RBFOX1: variants seen among roughly 807,000 people sequenced by gnomAD.
RBFOX1 encodes RNA binding fox-1 homolog 1.
Under a neutral mutation model 57.7 loss-of-function variants are expected in RBFOX1, and 8 were observed. The ratio of observed to expected loss-of-function variants is 0.14; its 90% CI spans 0.08 to 0.25. RBFOX1 has a LOEUF of 0.25. Ranked by LOEUF, RBFOX1 falls within the 10% of genes least tolerant of loss-of-function variation. The probability of loss-of-function intolerance (pLI) is 1.00; values close to 1 mark genes in which losing one functional copy is unlikely to be tolerated. For missense variants in RBFOX1, 611 were observed against 548.5 expected (o/e 1.11, Z -1.14); for synonymous variants, 326 against 222.4 (o/e 1.47, Z -4.15).
chr16:5,783,002 A>C (rs2054373898), intron 3 of RBFOX1, among the ~76,000 whole-genome samples: 1 of 152,192 alleles, frequency 6.6e-6, no homozygotes, highest in Non-Finnish European at 1.5e-5. Context: ...CCACTGATTT[A>C]AATACTCTTT....
intron 2 of RBFOX1, among the ~76,000 whole-genome samples, chr16:6,630,724 A>G (rs1453831603): frequency 2.0e-5 from 3 of 152,134 alleles, no homozygotes; most frequent in African/African-American, 7.2e-5. Context: ...AAATTCCTAA[A>G]ATTTAAGCTG....
At chr16:5,965,636 TA>T (rs2059828537) in intron 4 of RBFOX1, among the ~76,000 whole-genome samples, 1 of 152,184 alleles carries the variant, frequency 6.6e-6, no homozygotes, top group Non-Finnish European at 1.5e-5. Flanking sequence ...CAAAAGAAAT[TA>T]CTGTTGAAAA....
At chr16:6,181,817 G>T (rs1198283220) in intron 1 of RBFOX1, among the ~76,000 whole-genome samples, 1 of 152,124 alleles carries the variant, frequency 6.6e-6, no homozygotes. Context: ...TAATTAAGAT[G>T]TATTTCTTCC....
chr16:5,973,518 G>A (rs922953964), intron 4 of RBFOX1, among the ~76,000 whole-genome samples: 2 of 152,276 alleles, frequency 1.3e-5, no homozygotes. Context: ...AGTCATATAC[G>A]CAGGATATGA....
At chr16:6,393,078 C>T (rs2092677627) in intron 2 of RBFOX1, among the ~76,000 whole-genome samples, 1 of 152,230 alleles carries the variant, frequency 6.6e-6, no homozygotes, top group Non-Finnish European at 1.5e-5. Flanking sequence ...GCCATACTTA[C>T]ACTTTCCTTT....
chr16:6,438,591 A>C (rs2094298122), intron 2 of RBFOX1, among the ~76,000 whole-genome samples: 1 of 152,182 alleles, frequency 6.6e-6, no homozygotes, highest in Non-Finnish European at 1.5e-5. Flanking sequence ...TTATCAAATA[A>C]ATCGAATTAC....
At chr16:6,630,902 CTTTA>C (rs1335760088) in intron 2 of RBFOX1, among the ~76,000 whole-genome samples, 4 of 152,048 alleles carry the variant, frequency 2.6e-5, no homozygotes, top group Non-Finnish European at 5.9e-5. Context: ...ATAAATGCTG[CTTTA>C]TTTGAGTACA....
At chr16:7,284,440 C>A (rs1300441446) in intron 4 of RBFOX1, among the ~76,000 whole-genome samples, 1 of 152,166 alleles carries the variant, frequency 6.6e-6, no homozygotes, top group Non-Finnish European at 1.5e-5. Flanking sequence ...AAGCAGTCCT[C>A]CCACCTCAGC....
exon 3 of RBFOX1, chr16:5,600,044 C>G (rs1244382989): frequency 2.7e-5 from 4 of 150,738 alleles, no homozygotes; most frequent in East Asian, 3.9e-4. Context: ...AATCCCAGCA[C>G]TTTGGGAGGC....
chr16:6,293,094 T>C (rs534475968), intron 1 of RBFOX1, among the ~76,000 whole-genome samples: 1 of 152,334 alleles, frequency 6.6e-6, no homozygotes, highest in African/African-American at 2.4e-5. Context: ...CAGATAGTAG[T>C]GATTAATATT....
intron 1 of RBFOX1, among the ~76,000 whole-genome samples, chr16:5,302,372 T>G (rs2063826975): frequency 6.6e-6 from 1 of 152,238 alleles, no homozygotes; most frequent in Non-Finnish European, 1.5e-5. Flanking sequence ...TCTCTCTTAA[T>G]GAATGGTCCA....
intron 3 of RBFOX1, among the ~76,000 whole-genome samples, chr16:5,798,436 C>T (rs766948915): frequency 1.3e-5 from 2 of 152,134 alleles, no homozygotes; most frequent in African/African-American, 4.8e-5. Flanking sequence ...GTTTATTTCC[C>T]AGGTGGACTG....
intron 4 of RBFOX1, among the ~76,000 whole-genome samples, chr16:7,342,454 G>A (rs1286587528): frequency 2.0e-5 from 3 of 152,196 alleles, no homozygotes; most frequent in African/African-American, 4.8e-5. Flanking sequence ...GGAGCAATCC[G>A]ATTTGACAAT....
At position 6,700,736 on chromosome 16, in the gene RBFOX1, CT is replaced by C. The variant is rs896872542; in HGVS notation, c.-16+46089del. Among the ~76,000 whole-genome samples the C allele has an allele frequency of 2.7e-4, 41 of 152,256 alleles. 1 individual carries two copies. The highest frequency in any genetic ancestry group is 9.6e-4 in the African/African-American group (40 of 41,536). ...AAACCGAGTCACCTGGTAAGACAGA[CT>C]TTCTTGAAACTCAAAATTTCATTAC... On this transcript the variant is annotated intron_variant, in intron 3 of 15. Coordinates refer to ENST00000550418, the MANE Select transcript of RBFOX1 (RefSeq NM_018723.4).
intron 3 of RBFOX1, among the ~76,000 whole-genome samples, chr16:6,910,370 C>T (rs1596944397): frequency 6.6e-6 from 1 of 152,260 alleles, no homozygotes; most frequent in East Asian, 1.9e-4. Flanking sequence ...CTTCCTATTT[C>T]CCTTCCACAC....
intron 4 of RBFOX1, among the ~76,000 whole-genome samples, chr16:7,437,250 G>GC (rs61036994): frequency 0.05 from 6,417 of 127,150 alleles, 329 homozygotes; most frequent in East Asian, 0.23. Flanking sequence ...AATTATCTTT[G>GC]CCCCCCCCCC....
chr16:7,216,328 GT>G (rs77407126), intron 4 of RBFOX1, among the ~76,000 whole-genome samples: 48,693 of 151,786 alleles, frequency 0.32, 8,605 homozygotes, highest in East Asian at 0.66. Flanking sequence ...CTAAGCCACT[GT>G]TTTTTTCTTC....
At chr16:7,037,309 T>G (rs1303426609) in intron 3 of RBFOX1, among the ~76,000 whole-genome samples, 1 of 146,452 alleles carries the variant, frequency 6.8e-6, no homozygotes, top group African/African-American at 2.6e-5. Flanking sequence ...CGGCACAATC[T>G]TGGCTCACCA....
chr16:6,892,515 C>A (rs1299733614), intron 3 of RBFOX1, among the ~76,000 whole-genome samples: 2 of 151,980 alleles, frequency 1.3e-5, no homozygotes, highest in East Asian at 3.9e-4. Flanking sequence ...ACTAAAAATA[C>A]AAAAATTAGC....
Sources: gnomAD v4.1 joint callset for allele counts (sites outside exome capture counted in the v4.1 genomes callset) on GRCh38, gnomAD v4.1.1 for gene constraint, MANE v1.5 for transcripts, NCBI Gene and HGNC (gene_info 2026-07-23, HGNC 2026-07-21) for gene names.